GCM1: variants seen among roughly 807,000 people sequenced by gnomAD.
The protein encoded by GCM1 is chorion-specific transcription factor GCMa.
A neutral mutation model predicts 25.7 loss-of-function variants in GCM1; 2 were observed. The ratio of observed to expected loss-of-function variants is 0.08; its 90% CI spans 0.03 to 0.24. The LOEUF is 0.24. GCM1 is among the 10% of genes least tolerant of loss of function. The pLI is 1.00. For synonymous variants in GCM1, 183 were observed against 195.7 expected, an observed-to-expected ratio of 0.94 and a Z score of 0.54; for missense variants, 395 against 538.7, an observed-to-expected ratio of 0.73 and a Z score of 2.64.
At chr6:53,143,845 G>C (rs1763914596) in intron 2 of GCM1, among the ~76,000 whole-genome samples, 1 of 151,960 alleles carries the variant, frequency 6.6e-6, no homozygotes, top group South Asian at 2.1e-4. Context: ...AGGGGTAGAG[G>C]GGGTGGGGTT....
intron 2 of GCM1, among the ~76,000 whole-genome samples, chr6:53,135,421 A>G (rs575007660): frequency 3.3e-5 from 5 of 152,312 alleles, no homozygotes; most frequent in African/African-American, 1.2e-4. Flanking sequence ...AGACCTGCCT[A>G]CCTGAAGAGT....
At chr6:53,131,548 C>A (rs191769783) in intron 4 of GCM1, among the ~76,000 whole-genome samples, 1 of 152,212 alleles carries the variant, frequency 6.6e-6, no homozygotes, top group Non-Finnish European at 1.5e-5. Flanking sequence ...CTAATTCAAA[C>A]CCAGGCAGTC....
rs992520454 is a variant in GCM1 at position 53,136,676 on chromosome 6, A to G, written c.76-2352T>C. ...CATACCTTGCCAAGCCAAATGCAAG[A>G]TAAGAGTCCAAGTCCCAGCTGGGTG... On this transcript the variant is annotated intron_variant, in intron 2 of 5. Coordinates refer to ENST00000259803, the MANE Select transcript of GCM1 (RefSeq NM_003643.4). 4.6e-5 allele frequency among the ~76,000 whole-genome samples: 7 copies of G among 152,284 alleles called. No individual in the cohort carries two copies. The South Asian group carries it at 6.2e-4, about 14-fold the overall frequency.
intron 2 of GCM1, among the ~76,000 whole-genome samples, chr6:53,143,724 G>A (rs957904795): frequency 2.0e-5 from 3 of 149,348 alleles, no homozygotes; most frequent in African/African-American, 7.4e-5. Context: ...TTTAACTGTG[G>A]TTTCTAGAAC....
chr6:53,127,712 A>C lies in GCM1; in HGVS notation c.*494T>G, dbSNP rs1332479572. 1 of 152,704 alleles carries C rather than the reference A, an allele frequency of 6.5e-6. No individual in the cohort carries two copies. Among genetic ancestry groups the C allele is most frequent in the African/African-American group, 2.4e-5 (1 of 41,412 alleles). The allele number at this position is 152,704 out of a possible 1,614,324, so 9.5% of individuals were successfully genotyped here. On this transcript the variant is annotated 3_prime_UTR_variant, in exon 6 of 6. Coordinates refer to ENST00000259803, the MANE Select transcript of GCM1 (RefSeq NM_003643.4). The stretch of plus-strand genomic sequence containing the variant: ...ATACTAGAGTGGAGGAGAAGAAGCC[A>C]AAAAAATTACTCATGTGAAGAAAAA...
chr6:53,132,387 C>T (rs1162829868), intron 3 of GCM1, among the ~76,000 whole-genome samples: 2 of 152,158 alleles, frequency 1.3e-5, no homozygotes, highest in Non-Finnish European at 2.9e-5. Context: ...CTCTTCTGAG[C>T]AGAAAACCCC....
At chr6:53,136,391 A>C (rs1763800852) in intron 2 of GCM1, among the ~76,000 whole-genome samples, 1 of 152,198 alleles carries the variant, frequency 6.6e-6, no homozygotes, top group African/African-American at 2.4e-5. Context: ...TATGAGTCTT[A>C]ATGACATTCT....
Position 53,134,260 on chromosome 6 carries a change from G to A in GCM1, c.140C>T (p.Ser47Leu), listed in dbSNP as rs764984729. 3 of 1,614,116 alleles carry A rather than the reference G, an allele frequency of 1.9e-6. No individual in the cohort carries two copies. The highest frequency in any genetic ancestry group is 2.2e-5 in the East Asian group (1 of 44,878). ...GTGCCGCTGCGCATTCTTGTCCTCC[G>A]AGCTGTAGATGTGTTTGGCATAGGA... is the stretch of plus-strand genomic sequence containing the variant. ...PDSYAKHIYS[S>L]EDKNAQRHLS... Residue 47 changes from serine (S) to leucine (L), a missense_variant, in exon 3 of 6, where the codon TCG (serine) becomes TTG (leucine). This residue lies in a region of GCM1 where 44 missense variants were observed against 60.8 expected (regional missense o/e 0.72). Coordinates refer to ENST00000259803, the MANE Select transcript of GCM1 (RefSeq NM_003643.4).
intron 2 of GCM1, among the ~76,000 whole-genome samples, chr6:53,140,058 C>T (rs1358863017): frequency 2.0e-5 from 3 of 152,108 alleles, no homozygotes; most frequent in Admixed American, 1.3e-4. Context: ...ATCTGTATCA[C>T]ACCAGAAGCA....
At chr6:53,137,845 C>T (rs893794319) in intron 2 of GCM1, among the ~76,000 whole-genome samples, 4 of 152,214 alleles carry the variant, frequency 2.6e-5, no homozygotes, top group Admixed American at 6.5e-5. Flanking sequence ...CCAGAAGGAG[C>T]GGAATGTATT....
chr6:53,139,495 CAAAA>C (rs58094365), intron 2 of GCM1, among the ~76,000 whole-genome samples: 50 of 105,800 alleles, frequency 4.7e-4, no homozygotes, highest in Admixed American at 5.3e-4. Context: ...ACCCCCATCT[CAAAA>C]AAAAAAAAAA....
In GCM1 at chr6:53,127,620, G is replaced by A. The variant is rs1763658618; in HGVS notation, c.*586C>T. Reference sequence around the variant, plus strand: ...GGTGCTGGGAACCCCAAACAATGTGGGGGAAAAAGCAGAGGGCACTTCACA... The same window carrying A: ...GGTGCTGGGAACCCCAAACAATGTGAGGGAAAAAGCAGAGGGCACTTCACA... On this transcript the variant is annotated 3_prime_UTR_variant, in exon 6 of 6. Transcript: ENST00000259803. 6.6e-6 allele frequency: 1 copy of A among 152,228 alleles called. No homozygotes were observed. Among genetic ancestry groups the A allele is most frequent in the Non-Finnish European group, 1.5e-5 (1 of 68,074 alleles). 9.4% of individuals were successfully genotyped at this position (152,228 alleles called of 1,614,324 possible). A position where few individuals can be genotyped will look rare whatever the true frequency, so the allele number is the denominator to read the frequency against.
At chr6:53,141,840 C>T (rs1461724856) in intron 2 of GCM1, among the ~76,000 whole-genome samples, 1 of 151,012 alleles carries the variant, frequency 6.6e-6, no homozygotes, top group Non-Finnish European at 1.5e-5. Context: ...CCCATCTCTA[C>T]TAAAAAGACA....
intron 1 of GCM1, among the ~76,000 whole-genome samples, chr6:53,147,643 G>A (rs1016549011): frequency 1.3e-5 from 2 of 151,640 alleles, no homozygotes; most frequent in East Asian, 1.9e-4. Flanking sequence ...TGACCAGGCC[G>A]GTCTTGAACT....
intron 2 of GCM1, among the ~76,000 whole-genome samples, chr6:53,145,014 GAA>G (rs1308636310): frequency 6.7e-6 from 1 of 149,270 alleles, no homozygotes; most frequent in Non-Finnish European, 1.5e-5. Flanking sequence ...AAAAAAGAAA[GAA>G]AGAAAAAAGG....
chr6:53,135,597 T>C (rs940495801), intron 2 of GCM1, among the ~76,000 whole-genome samples: 6 of 152,236 alleles, frequency 3.9e-5, no homozygotes, highest in Admixed American at 6.5e-5. Flanking sequence ...GTTCTTAGAA[T>C]GAGAAACAGC....
chr6:53,144,290 T>TACCACA (rs1763921860), intron 2 of GCM1, among the ~76,000 whole-genome samples: 2 of 151,664 alleles, frequency 1.3e-5, no homozygotes, highest in African/African-American at 4.9e-5. Context: ...CCAGGAGTGG[T>TACCACA]GGCACATGCC....
chr6:53,130,945 A>G lies in GCM1; in HGVS notation c.442-14T>C. 6.2e-7 allele frequency: 1 copy of G among 1,610,498 alleles called. No individual in the cohort carries two copies. Among genetic ancestry groups the G allele is most frequent in the Non-Finnish European group, 8.5e-7 (1 of 1,176,880 alleles). ...CTCTCCCTTTGACTTAAATGAGACA[A>G]GGAAGTAGAAAGGAAATGATATAAC... On this transcript the variant is annotated splice_polypyrimidine_tract_variant and intron_variant, in intron 4 of 5. Coordinates refer to ENST00000259803, the MANE Select transcript of GCM1 (RefSeq NM_003643.4).
chr6:53,145,609 A>C lies in GCM1; in HGVS notation c.24T>G (p.Ser8=). The C allele has an allele frequency of 1.2e-6, 2 of 1,600,416 alleles. No individual in the cohort carries two copies. The highest frequency in any genetic ancestry group is 2.2e-5 in the South Asian group (2 of 90,722). MEPDDFD[S]EDKEILSWDI... ...CCCAGCTTAATATCTCTTTGTCTTC[A>C]GAATCAAAGTCGTCAGGTTCCATGA... The change falls in exon 2 of 6, where the codon TCT becomes TCG. Residue 8 remains serine, a synonymous_variant. Coordinates refer to ENST00000259803, the MANE Select transcript of GCM1 (RefSeq NM_003643.4).
Sources: gnomAD v4.1 joint callset for allele counts (sites outside exome capture counted in the v4.1 genomes callset) on GRCh38, gnomAD v4.1.1 for gene constraint, gnomAD v4.1.1 regional missense constraint, MANE v1.5 for transcripts, NCBI Gene and HGNC (gene_info 2026-07-23, HGNC 2026-07-21) for gene names.